The following ATP8B1 variants were observed in gnomAD, a reference collection of about 807,000 sequenced individuals.
ATP8B1 encodes the protein phospholipid-transporting ATPase IC.
Under a neutral mutation model 149.9 loss-of-function variants are expected in ATP8B1, and 80 were observed. The observed-to-expected ratio is 0.53, with a 90% CI of 0.45 to 0.64. ATP8B1 has a LOEUF of 0.64. Among genes scored for constraint, ATP8B1 ranks in the 30% least tolerant of loss-of-function variants. The pLI, the probability that ATP8B1 is intolerant of heterozygous loss-of-function variation, is 0.00. For missense variants in ATP8B1, 1,247 were observed against 1,552.6 expected, an observed-to-expected ratio of 0.80 and a Z score of 3.31; for synonymous variants, 536 against 562.8, an observed-to-expected ratio of 0.95 and a Z score of 0.67.
chr18:57,802,366 G>A lies in ATP8B1; in HGVS notation c.-26+632C>T, dbSNP rs1305832848. Among the ~76,000 whole-genome samples the A allele has an allele frequency of 1.3e-5, 2 of 152,148 alleles. No homozygotes were observed. Among genetic ancestry groups the A allele is most frequent in the Non-Finnish European group, 2.9e-5 (2 of 68,028 alleles). On this transcript the variant is annotated intron_variant, in intron 1 of 27. Transcript: ENST00000648908. The surrounding 1 kb of genome is among the most constrained non-coding windows in gnomAD (Gnocchi z 4.9). ...CGACCCGACAGTCACCGGAAAAACA[G>A]TGGTGTCGGTCTTCCCCATCACCTC...
intron 13 of ATP8B1, among the ~76,000 whole-genome samples, chr18:57,687,219 G>C (rs1013269472): frequency 1.3e-5 from 2 of 152,140 alleles, no homozygotes; most frequent in African/African-American, 4.8e-5. Flanking sequence ...TTGAAACTCT[G>C]TACCCATTAA....
At chr18:57,719,453 G>T (rs576278556) in intron 2 of ATP8B1, among the ~76,000 whole-genome samples, 4 of 152,228 alleles carry the variant, frequency 2.6e-5, no homozygotes, top group African/African-American at 9.6e-5. Flanking sequence ...CCTGGGAAGC[G>T]CAAGGGGTCA....
rs190428528 is a variant in ATP8B1 at position 57,761,454 on chromosome 18, G to A, written c.-25-29622C>T. On this transcript the variant is annotated intron_variant, in intron 1 of 27. Transcript: ENST00000648908. Reference sequence around the variant, plus strand: ...ATCTGTCAGTGAGGGTTCTTGACCAGATCAATGATTCTAAGATGTGGCCAC... The same window carrying A: ...ATCTGTCAGTGAGGGTTCTTGACCAAATCAATGATTCTAAGATGTGGCCAC... Among the ~76,000 whole-genome samples, 20 of 152,280 alleles carry A rather than the reference G, an allele frequency of 1.3e-4. No individual in the cohort carries two copies. In the South Asian group the frequency reaches 3.7e-3, roughly 28 times the overall value.
At chr18:57,717,744 T>G (rs1332256377) in intron 2 of ATP8B1, among the ~76,000 whole-genome samples, 1 of 149,176 alleles carries the variant, frequency 6.7e-6, no homozygotes, top group South Asian at 2.1e-4. Flanking sequence ...TTTGGTTTGG[T>G]TTTTTTTTGG....
rs777202902 is a variant in ATP8B1 at position 57,697,775 on chromosome 18, A to G, written c.627+20T>C. On this transcript the variant is annotated intron_variant, in intron 7 of 27. Coordinates refer to ENST00000648908, the MANE Select transcript of ATP8B1 (RefSeq NM_001374385.1). ...CTGGGGGAGAACAAGGAACAAGAGA[A>G]GCAGAATTTGTTCACTTACTGGAAC... 1 of 1,613,380 alleles carries G rather than the reference A, an allele frequency of 6.2e-7. No homozygotes were observed. The highest frequency in any genetic ancestry group is 2.2e-5 in the East Asian group (1 of 44,880).
chr18:57,716,322 C>T (rs375904778), intron 2 of ATP8B1, among the ~76,000 whole-genome samples: 3 of 151,582 alleles, frequency 2.0e-5, no homozygotes, highest in African/African-American at 7.3e-5. Flanking sequence ...GAAAACATAA[C>T]AAAATGGCAA....
At chr18:57,735,139 T>G (rs1250225980) in intron 1 of ATP8B1, 3 of 153,180 alleles carry the variant, frequency 2.0e-5, no homozygotes, top group African/African-American at 7.2e-5. Context: ...TTCACTCTAT[T>G]AAATCTTGCA....
chr18:57,648,589 C>A lies in ATP8B1; in HGVS notation c.3655G>T (p.Asp1219Tyr). 1 of 1,611,198 alleles carries A rather than the reference C, an allele frequency of 6.2e-7. No individual in the cohort carries two copies. Among genetic ancestry groups the A allele is most frequent in the African/African-American group, 1.3e-5 (1 of 74,998 alleles). ...YAFSHQRGYA[D>Y]LISSGRSIRK... Reference sequence around the variant, plus strand: ...ATGCTGCGCCCGGAGGAGATGAGGTCCGCGTAGCCCCGCTGGTGCGAGAAG... The same window carrying A: ...ATGCTGCGCCCGGAGGAGATGAGGTACGCGTAGCCCCGCTGGTGCGAGAAG... Residue 1219 changes from aspartate to tyrosine, a missense_variant, in exon 28 of 28, where the codon GAC becomes TAC. Asp to Tyr is a radical substitution (Grantham distance 160). Around this residue, in one of 3 missense-constraint regions of ATP8B1, gnomAD observed 164 missense variants for 160.3 expected, o/e 1.02. Coordinates refer to ENST00000648908, the MANE Select transcript of ATP8B1 (RefSeq NM_001374385.1).
chr18:57,731,306 AAAATATATATATATATATAT>A (rs2079761442), intron 2 of ATP8B1: 2 of 119,974 alleles, frequency 1.7e-5, no homozygotes, highest in African/African-American at 6.5e-5. Flanking sequence ...ACCCTGCCTC[AAAATATATATATATATATAT>A]ATATATATAT....
At chr18:57,786,467 A>G (rs1184794575) in intron 1 of ATP8B1, among the ~76,000 whole-genome samples, 1 of 152,078 alleles carries the variant, frequency 6.6e-6, no homozygotes, top group Non-Finnish European at 1.5e-5. Flanking sequence ...TGAGTCAGTG[A>G]CTCTAGAGTG....
At chr18:57,699,458 C>T (rs954115592) in intron 6 of ATP8B1, among the ~76,000 whole-genome samples, 3 of 151,984 alleles carry the variant, frequency 2.0e-5, no homozygotes, top group East Asian at 3.9e-4. Context: ...GAGTCTCGGC[C>T]GGGCCCGGTG....
At chr18:57,693,342 G>A (rs9962109) in intron 11 of ATP8B1, among the ~76,000 whole-genome samples, 1 of 152,142 alleles carries the variant, frequency 6.6e-6, no homozygotes, top group Non-Finnish European at 1.5e-5. Flanking sequence ...GGCTTGCAAG[G>A]TTCGCCCTGG....
chr18:57,802,493 C>T lies in ATP8B1; in HGVS notation c.-26+505G>A, dbSNP rs548561706. On this transcript the variant is annotated intron_variant, in intron 1 of 27. Coordinates refer to ENST00000648908, the MANE Select transcript of ATP8B1 (RefSeq NM_001374385.1). This position sits in a 1 kb window ranked among gnomAD's most constrained non-coding sequence, Gnocchi z 4.9. ...GCGATCTCACCCCCTCCATCCCTCC[C>T]GGCAGGTGGGCCGCGGTCAGATACG... 1.3e-5 allele frequency among the ~76,000 whole-genome samples: 2 copies of T among 152,344 alleles called. No homozygotes were observed. Among genetic ancestry groups the T allele is most frequent in the East Asian group, 3.9e-4 (2 of 5,166 alleles).
At chr18:57,653,718 G>T (rs574107543) in intron 24 of ATP8B1, among the ~76,000 whole-genome samples, 18 of 144,260 alleles carry the variant, frequency 1.2e-4, no homozygotes, top group South Asian at 1.1e-3. Flanking sequence ...TAGAGATGGG[G>T]TCTCACTTTA....
chr18:57,654,142 T>C, intron 23 of ATP8B1, 67 bp from the exon 24 acceptor site: 1 of 1,269,290 alleles, frequency 7.9e-7, no homozygotes, highest in East Asian at 2.3e-5. Context: ...TAGCACATAC[T>C]CATCTGCTTC....
Position 57,674,858 on chromosome 18 carries a change from C to A in ATP8B1, c.1795G>T (p.Asp599Tyr). 1 of 1,614,112 alleles carries A rather than the reference C, an allele frequency of 6.2e-7. No homozygotes were observed. Among genetic ancestry groups the A allele is most frequent in the South Asian group, 1.1e-5 (1 of 90,998 alleles). The change falls in exon 16 of 28, where the codon GAC becomes TAC. Residue 599 changes from aspartate to tyrosine, a missense_variant. Around this residue, in one of 3 missense-constraint regions of ATP8B1, gnomAD observed 853 missense variants for 1,035.7 expected, o/e 0.82. Transcript: ENST00000648908. ...CCAATGATAGACATTCGCTTCCGGT[C>A]ACTGTTGAAGTCCAAAATGGCAAGA... ...NVLAILDFNS[D>Y]RKRMSIIVRT...
chr18:57,791,246 T>C (rs1394094987), intron 1 of ATP8B1, among the ~76,000 whole-genome samples: 1 of 152,202 alleles, frequency 6.6e-6, no homozygotes, highest in Non-Finnish European at 1.5e-5. Flanking sequence ...AAAATATTTG[T>C]TTGTCCTTTT....
At chr18:57,688,765 A>G (rs1235195798) in intron 12 of ATP8B1, 3 of 478,948 alleles carry the variant, frequency 6.3e-6, no homozygotes, top group Non-Finnish European at 7.7e-6. Context: ...AAGTGGCTCA[A>G]AGGAGCTTGC....
chr18:57,778,087 C>T (rs1417051300), intron 1 of ATP8B1, among the ~76,000 whole-genome samples: 1 of 152,182 alleles, frequency 6.6e-6, no homozygotes, highest in Non-Finnish European at 1.5e-5. Flanking sequence ...AGATAGTGAG[C>T]TCCCCACATG....
Sources: allele counts gnomAD v4.1 joint callset (sites outside exome capture counted in the v4.1 genomes callset), GRCh38; gene constraint gnomAD v4.1.1; regional missense constraint gnomAD v4.1.1; non-coding constraint Gnocchi (gnomAD v3.1); transcripts MANE v1.5; gene names NCBI Gene and HGNC (gene_info 2026-07-23, HGNC 2026-07-21).